The following FAM178B variants were observed in gnomAD, a reference collection of about 807,000 sequenced individuals.
FAM178B encodes family with sequence similarity 178 member B.
A neutral mutation model predicts 91.7 loss-of-function variants in FAM178B; 82 were observed. The ratio of observed to expected loss-of-function variants is 0.89; its 90% CI spans 0.75 to 1.07. FAM178B has a LOEUF of 1.07. Ranked by LOEUF, FAM178B falls within the 50% of genes least tolerant of loss-of-function variation. The pLI is 0.00. For synonymous variants in FAM178B, 368 were observed against 359.4 expected, an observed-to-expected ratio of 1.02 and a Z score of -0.27; for missense variants, 769 against 846.7, an observed-to-expected ratio of 0.91 and a Z score of 1.14.
At chr2:96,953,082 A>G (rs2081952259) in intron 6 of FAM178B, among the ~76,000 whole-genome samples, 1 of 152,110 alleles carries the variant, frequency 6.6e-6, no homozygotes. Flanking sequence ...TTTTTTCTCT[A>G]AGTCATTTAA....
chr2:96,924,269 C>T (rs2081396955), intron 9 of FAM178B, among the ~76,000 whole-genome samples: 1 of 152,198 alleles, frequency 6.6e-6, no homozygotes, highest in Admixed American at 6.5e-5. Context: ...AGCCTGCATA[C>T]ACTGCAAAGT....
At chr2:96,979,820 C>T (rs543740198) in intron 1 of FAM178B, among the ~76,000 whole-genome samples, 11 of 152,310 alleles carry the variant, frequency 7.2e-5, no homozygotes, top group African/African-American at 2.4e-4. Context: ...TGAGTAACAG[C>T]CATTCTGACT....
At chr2:96,900,830 C>T (rs1211168063) in intron 13 of FAM178B, among the ~76,000 whole-genome samples, 1 of 152,220 alleles carries the variant, frequency 6.6e-6, no homozygotes. Context: ...GCACCTGGGA[C>T]TCAGACATAT....
In FAM178B at chr2:96,921,248, G is replaced by C; in HGVS notation, c.1479C>G (p.Cys493Trp). The change falls in exon 12 of 17, where the codon TGC (cysteine) becomes TGG (tryptophan). Residue 493 changes from cysteine to tryptophan, a missense_variant. Cys to Trp is a radical substitution (Grantham distance 215). Coordinates refer to ENST00000490605, the MANE Select transcript of FAM178B (RefSeq NM_001122646.3). ...GGTCAGACACCCAGCTCAGGGTGCAGCACAGTTCCTGGAGCTGCAGGAGAA... is the reference window on the plus strand; with the variant it reads ...GGTCAGACACCCAGCTCAGGGTGCACCACAGTTCCTGGAGCTGCAGGAGAA... Reference protein sequence around the residue: ...REWPGKLQELCCTLSWVSDHH... With the variant: ...REWPGKLQELWCTLSWVSDHH... 6.4e-7 allele frequency: 1 copy of C among 1,551,606 alleles called. No individual in the cohort carries two copies. The highest frequency in any genetic ancestry group is 1.2e-5 in the South Asian group (1 of 84,054).
intron 13 of FAM178B, chr2:96,898,002 A>G (rs1288822925): frequency 1.0e-6 from 1 of 985,404 alleles, no homozygotes; most frequent in African/African-American, 1.7e-5. Flanking sequence ...CCTCCGCTGC[A>G]GCTTGTGGGA....
chr2:96,919,445 T>G (rs2081296278), intron 12 of FAM178B, among the ~76,000 whole-genome samples: 1 of 152,116 alleles, frequency 6.6e-6, no homozygotes, highest in Non-Finnish European at 1.5e-5. Context: ...ACCCTCCAGG[T>G]GAGCCGGTGA....
intron 11 of FAM178B, 24 bp downstream of exon 11, chr2:96,921,454 G>A: frequency 6.4e-7 from 1 of 1,551,530 alleles, no homozygotes; most frequent in South Asian, 1.2e-5. Flanking sequence ...GCTGTATGAG[G>A]ACCAGGCTCT....
chr2:96,911,603 G>A (rs2081159743), intron 12 of FAM178B, among the ~76,000 whole-genome samples: 1 of 152,242 alleles, frequency 6.6e-6, no homozygotes, highest in Non-Finnish European at 1.5e-5. Flanking sequence ...AGCATCTGAA[G>A]GACGGTCACA....
intron 15 of FAM178B, 51 bp downstream of exon 15, chr2:96,878,365 G>T: frequency 6.4e-7 from 1 of 1,559,846 alleles, no homozygotes; most frequent in African/African-American, 1.4e-5. Flanking sequence ...GCTTGGGGGA[G>T]AAGACACAGC....
intron 9 of FAM178B, among the ~76,000 whole-genome samples, chr2:96,925,243 G>C (rs994241310): frequency 2.0e-5 from 3 of 152,170 alleles, no homozygotes; most frequent in Admixed American, 6.5e-5. Flanking sequence ...GCTGCCAAGG[G>C]GAGAAGGAAC....
intron 12 of FAM178B, among the ~76,000 whole-genome samples, chr2:96,915,113 T>A (rs900730897): frequency 7.7e-4 from 82 of 106,038 alleles, no homozygotes; most frequent in African/African-American, 3.5e-3. Context: ...TATAACCAAA[T>A]TTTTTTTTTT....
chr2:96,986,193 G>T, intron 1 of FAM178B, 48 bp downstream of exon 1: 1 of 1,533,218 alleles, frequency 6.5e-7, no homozygotes, highest in South Asian at 1.2e-5. Flanking sequence ...AGTGCTCTCT[G>T]AGCGCTAACC....
In FAM178B at chr2:96,878,021, T is replaced by C. The variant is rs756280561; in HGVS notation, c.1876A>G (p.Met626Val). ...DQWGELQLLC[M>V]QLDRHISTQI... The stretch of plus-strand genomic sequence containing the variant: ...GTGCTGATGTGGCGGTCCAACTGCA[T>C]GCACAGCAGCTGCAGCTCGCCCTGT... The change falls in exon 16 of 17, where the codon ATG becomes GTG. Residue 626 changes from methionine to valine, a missense_variant. Physicochemically the swap from Met to Val is conservative, Grantham distance 21. Transcript: ENST00000490605. 13 of 1,611,244 alleles carry C rather than the reference T, an allele frequency of 8.1e-6. No individual in the cohort carries two copies. Among genetic ancestry groups the C allele is most frequent in the African/African-American group, 4.0e-5 (3 of 74,932 alleles).
intron 6 of FAM178B, among the ~76,000 whole-genome samples, chr2:96,953,742 G>A (rs916076578): frequency 7.9e-5 from 12 of 152,208 alleles, no homozygotes; most frequent in African/African-American, 2.4e-4. Flanking sequence ...TCTGCAGGCC[G>A]AGTGCATGCT....
intron 13 of FAM178B, 109 bp from the exon 14 acceptor site, chr2:96,894,160 C>T (rs1168706244): frequency 5.2e-6 from 7 of 1,340,392 alleles, no homozygotes; most frequent in Non-Finnish European, 7.1e-6. Context: ...TGTTAGGGCA[C>T]TGGCTTCTGA....
At chr2:96,974,542 A>G (rs1231067349) in intron 1 of FAM178B, among the ~76,000 whole-genome samples, 2 of 152,194 alleles carry the variant, frequency 1.3e-5, no homozygotes, top group African/African-American at 4.8e-5. Flanking sequence ...TAGTTCAAAT[A>G]TAAACGGATT....
intron 12 of FAM178B, among the ~76,000 whole-genome samples, chr2:96,910,861 A>G (rs2081142559): frequency 7.0e-6 from 1 of 143,710 alleles, no homozygotes; most frequent in African/African-American, 2.6e-5. Context: ...CAGTGGCGTG[A>G]TCTTGGCTCA....
chr2:96,955,468 G>A (rs1223906502), intron 6 of FAM178B, among the ~76,000 whole-genome samples: 1 of 148,186 alleles, frequency 6.7e-6, no homozygotes, highest in African/African-American at 2.5e-5. Flanking sequence ...CCAAGATTGC[G>A]CCACTGCACT....
Position 96,921,655 on chromosome 2 carries a change from C to G in FAM178B, c.1288-1G>C, listed in dbSNP as rs1434711698. The stretch of plus-strand genomic sequence containing the variant: ...GGGCCTGGGCACACAGCGCCAGAAA[C>G]TGGAGAGAGAAAAGAGGGCAGGGGT... On this transcript the variant is annotated splice_acceptor_variant, in intron 10 of 16. Transcript: ENST00000490605. LOFTEE classifies it high-confidence loss of function. 6.4e-7 allele frequency: 1 copy of G among 1,551,044 alleles called. No homozygotes were observed.
Sources: allele counts gnomAD v4.1 joint callset (sites outside exome capture counted in the v4.1 genomes callset), GRCh38; gene constraint gnomAD v4.1.1; transcripts MANE v1.5; gene names NCBI Gene and HGNC (gene_info 2026-07-23, HGNC 2026-07-21).